Variants in LMX1A observed in about 807,000 individuals in gnomAD.
The protein encoded by LMX1A is LIM homeobox transcription factor 1-alpha.
Under a neutral mutation model 49.1 loss-of-function variants are expected in LMX1A, and 15 were observed. That is an observed-to-expected ratio of 0.31 (90% CI 0.20 to 0.47). LMX1A has a LOEUF of 0.47. LMX1A is among the 20% of genes least tolerant of loss of function. LMX1A has a pLI of 1.00. For missense variants in LMX1A, 372 were observed against 475.8 expected, an observed-to-expected ratio of 0.78 and a Z score of 2.03; for synonymous variants, 167 against 185.7, an observed-to-expected ratio of 0.90 and a Z score of 0.82.
intron 4 of LMX1A, among the ~76,000 whole-genome samples, chr1:165,242,244 G>A (rs1378992881): frequency 6.6e-6 from 1 of 152,138 alleles, no homozygotes; most frequent in African/African-American, 2.4e-5. Flanking sequence ...CCCAATAAAC[G>A]GAGGCTATGG....
At chr1:165,233,319 G>C (rs188172883) in intron 4 of LMX1A, among the ~76,000 whole-genome samples, 1 of 152,318 alleles carries the variant, frequency 6.6e-6, no homozygotes, top group Non-Finnish European at 1.5e-5. Flanking sequence ...GCCAGACATG[G>C]TGGTACACAC....
At chr1:165,303,083 A>T (rs1171081105) in intron 3 of LMX1A, among the ~76,000 whole-genome samples, 1 of 152,222 alleles carries the variant, frequency 6.6e-6, no homozygotes, top group Non-Finnish European at 1.5e-5. Flanking sequence ...ATAGAGTATA[A>T]ATAATCATAA....
At position 165,349,790 on chromosome 1, in the gene LMX1A, T is replaced by C. The variant is rs2101771247; in HGVS notation, c.263+3286A>G. On this transcript the variant is annotated intron_variant, in intron 3 of 8. Transcript: ENST00000342310. ...CTTGGTGTTTGACATTGTAAAGGTGTAATAGCTAGTTGAGAGAATGAAATT... is the reference window on the plus strand; with the variant it reads ...CTTGGTGTTTGACATTGTAAAGGTGCAATAGCTAGTTGAGAGAATGAAATT... Among the ~76,000 whole-genome samples, 3 of 152,340 alleles carry C rather than the reference T, an allele frequency of 2.0e-5. No individual in the cohort carries two copies. In the Middle Eastern group the frequency reaches 0.01, roughly 518 times the overall value.
At chr1:165,236,540 T>C (rs1301713224) in intron 4 of LMX1A, among the ~76,000 whole-genome samples, 4 of 152,112 alleles carry the variant, frequency 2.6e-5, no homozygotes. Context: ...ATATTATTCA[T>C]TGTTTATTCT....
chr1:165,271,101 C>A (rs1371264508), intron 3 of LMX1A, among the ~76,000 whole-genome samples: 1 of 152,208 alleles, frequency 6.6e-6, no homozygotes, highest in African/African-American at 2.4e-5. Context: ...CAACCCATCT[C>A]TTTCCCCTTT....
chr1:165,261,266 AT>A (rs1188700451), intron 3 of LMX1A, among the ~76,000 whole-genome samples: 1 of 152,074 alleles, frequency 6.6e-6, no homozygotes, highest in Non-Finnish European at 1.5e-5. Flanking sequence ...ATATCCTTCA[AT>A]TTTTTAACAC....
chr1:165,242,725 A>T (rs1036203847), intron 4 of LMX1A, among the ~76,000 whole-genome samples: 2 of 151,644 alleles, frequency 1.3e-5, no homozygotes, highest in Admixed American at 1.3e-4. Flanking sequence ...AAATAAAAAA[A>T]AAAAATTAGC....
chr1:165,323,723 T>C (rs1483423289), intron 3 of LMX1A, among the ~76,000 whole-genome samples: 1 of 152,220 alleles, frequency 6.6e-6, no homozygotes, highest in Non-Finnish European at 1.5e-5. Context: ...TTAGGACTTC[T>C]TTGCTCCTTC....
intron 3 of LMX1A, among the ~76,000 whole-genome samples, chr1:165,305,605 T>C (rs1048147479): frequency 5.3e-5 from 8 of 152,186 alleles, no homozygotes; most frequent in African/African-American, 1.7e-4. Flanking sequence ...GGGCAGAGCT[T>C]AGCTAACTAC....
chr1:165,300,290 T>C (rs1056171834), intron 3 of LMX1A, among the ~76,000 whole-genome samples: 2 of 152,240 alleles, frequency 1.3e-5, no homozygotes, highest in African/African-American at 2.4e-5. Flanking sequence ...ACCTGTTTAC[T>C]TAACTACCCA....
At chr1:165,287,328 C>T (rs1465818887) in intron 3 of LMX1A, among the ~76,000 whole-genome samples, 1 of 152,200 alleles carries the variant, frequency 6.6e-6, no homozygotes, top group African/African-American at 2.4e-5. Context: ...AAACTGAACT[C>T]TCTCTCCCTC....
intron 3 of LMX1A, among the ~76,000 whole-genome samples, chr1:165,308,861 G>A (rs1654994418): frequency 6.6e-6 from 1 of 152,094 alleles, no homozygotes; most frequent in Non-Finnish European, 1.5e-5. Flanking sequence ...TCATCTGGAG[G>A]GGTGATCTGC....
chr1:165,268,295 T>C (rs1653687949), intron 3 of LMX1A, among the ~76,000 whole-genome samples: 1 of 152,206 alleles, frequency 6.6e-6, no homozygotes, highest in African/African-American at 2.4e-5. Flanking sequence ...AACCAAAGCA[T>C]TCATATTTGA....
chr1:165,347,138 T>C (rs1015171165), intron 3 of LMX1A, among the ~76,000 whole-genome samples: 1 of 152,196 alleles, frequency 6.6e-6, no homozygotes, highest in Non-Finnish European at 1.5e-5. Flanking sequence ...CTATGGGGTA[T>C]CAAGACAAAG....
chr1:165,355,795 T>C lies in LMX1A; in HGVS notation c.-22-214A>G, dbSNP rs1421351588. The stretch of plus-strand genomic sequence containing the variant: ...TCTGATTTCACTTGAAGTCAACACG[T>C]TATGTACTTAGGCCTCCGCCCCCCA... On this transcript the variant is annotated intron_variant, in intron 1 of 8. Transcript: ENST00000342310. The surrounding 1 kb of genome is among the most constrained non-coding windows in gnomAD (Gnocchi z 4.7). 1 of 565,112 alleles carries C rather than the reference T, an allele frequency of 1.8e-6. No individual in the cohort carries two copies. The highest frequency in any genetic ancestry group is 3.2e-6 in the Non-Finnish European group (1 of 317,114). The allele number at this position is 565,112 out of a possible 1,614,324, so 35.0% of individuals were successfully genotyped here.
At chr1:165,343,106 C>T (rs1446004586) in intron 3 of LMX1A, among the ~76,000 whole-genome samples, 5 of 152,120 alleles carry the variant, frequency 3.3e-5, no homozygotes, top group Admixed American at 3.3e-4. Flanking sequence ...ATTTTTTCAG[C>T]AAATCATTTT....
intron 3 of LMX1A, among the ~76,000 whole-genome samples, chr1:165,276,047 AG>A (rs369457016): frequency 1.6e-4 from 24 of 152,116 alleles, no homozygotes; most frequent in African/African-American, 5.5e-4. Context: ...CCCACCCGAG[AG>A]GCTGGCAGGA....
chr1:165,238,034 A>G lies in LMX1A; in HGVS notation c.496+11374T>C, dbSNP rs1227953499. 3.9e-5 allele frequency among the ~76,000 whole-genome samples: 6 copies of G among 152,218 alleles called. No individual in the cohort carries two copies. In the East Asian group the frequency reaches 7.7e-4, roughly 20 times the overall value. ...TGGCTCTGCATGTCCAGAGAATGCAATCCTAAAATTTACTAGTCATACTGC... is the reference window on the plus strand; with the variant it reads ...TGGCTCTGCATGTCCAGAGAATGCAGTCCTAAAATTTACTAGTCATACTGC... On this transcript the variant is annotated intron_variant, in intron 4 of 8. Transcript: ENST00000342310.
chr1:165,266,838 T>C (rs980661698), intron 3 of LMX1A, among the ~76,000 whole-genome samples: 4 of 152,074 alleles, frequency 2.6e-5, no homozygotes, highest in Non-Finnish European at 5.9e-5. Context: ...CCTGACCTCA[T>C]GATCCGCCTG....
Sources: allele counts gnomAD v4.1 joint callset (sites outside exome capture counted in the v4.1 genomes callset), GRCh38; gene constraint gnomAD v4.1.1; non-coding constraint Gnocchi (gnomAD v3.1); transcripts MANE v1.5; gene names NCBI Gene and HGNC (gene_info 2026-07-23, HGNC 2026-07-21).